The following SULF1 variants were observed in gnomAD, a reference collection of about 807,000 sequenced individuals.
The protein encoded by SULF1 is sulfatase 1.
A neutral mutation model predicts 110.5 loss-of-function variants in SULF1; 46 were observed. The ratio of observed to expected loss-of-function variants is 0.42; its 90% CI spans 0.33 to 0.53. The LOEUF (loss-of-function observed/expected upper bound fraction) is 0.53, where lower values mean the gene tolerates loss of function less well. Among genes scored for constraint, SULF1 ranks in the 20% least tolerant of loss-of-function variants. The probability of loss-of-function intolerance (pLI) is 0.12; values close to 1 mark genes in which losing one functional copy is unlikely to be tolerated. For synonymous variants in SULF1, 371 were observed against 387.1 expected (o/e 0.96, Z 0.49); for missense variants, 941 against 1,094.2 (o/e 0.86, Z 1.98).
rs1366048556 is a variant in SULF1 at position 69,644,211 on chromosome 8, G to A, written c.2585+3370G>A. On this transcript the variant is annotated intron_variant, in intron 22 of 22. Transcript: ENST00000402687. ...CTGTGGGTGACACAGCCGTGTGTTCGTGCTGTACGGCACTGTGGTCATGGG... is the reference window on the plus strand; with the variant it reads ...CTGTGGGTGACACAGCCGTGTGTTCATGCTGTACGGCACTGTGGTCATGGG... Among the ~76,000 whole-genome samples, 12 of 152,290 alleles carry A rather than the reference G, an allele frequency of 7.9e-5. No individual in the cohort carries two copies. The South Asian group carries it at 1.7e-3, about 21-fold the overall frequency.
chr8:69,610,952 C>T (rs1808604781), intron 13 of SULF1, among the ~76,000 whole-genome samples: 1 of 152,118 alleles, frequency 6.6e-6, no homozygotes, highest in African/African-American at 2.4e-5. Flanking sequence ...CACTTTCTCA[C>T]TTGCATGGAT....
intron 3 of SULF1, among the ~76,000 whole-genome samples, chr8:69,512,502 T>C (rs1811636917): frequency 6.6e-6 from 1 of 152,206 alleles, no homozygotes; most frequent in African/African-American, 2.4e-5. Flanking sequence ...CTTACCAGCT[T>C]GTGAATCTGG....
At chr8:69,511,069 C>T (rs1388321317) in intron 3 of SULF1, among the ~76,000 whole-genome samples, 1 of 151,958 alleles carries the variant, frequency 6.6e-6, no homozygotes, top group Non-Finnish European at 1.5e-5. Flanking sequence ...TAGACAGGAG[C>T]AGGACCTATG....
At chr8:69,610,289 T>C (rs1177134606) in intron 13 of SULF1, among the ~76,000 whole-genome samples, 1 of 152,196 alleles carries the variant, frequency 6.6e-6, no homozygotes. Flanking sequence ...GGATCTTTGT[T>C]CCTATACAAA....
At chr8:69,628,877 C>T (rs1234035299) in intron 18 of SULF1, among the ~76,000 whole-genome samples, 1 of 152,114 alleles carries the variant, frequency 6.6e-6, no homozygotes, top group East Asian at 1.9e-4. Flanking sequence ...AAAAATGAGC[C>T]ATTTGTCCAA....
Position 69,563,890 on chromosome 8 carries a change from G to A in SULF1, c.-60-26G>A, listed in dbSNP as rs963333502. 3.4e-5 allele frequency: 47 copies of A among 1,396,080 alleles called. 1 individual carries two copies. The Middle Eastern group carries it at 9.9e-4, about 29-fold the overall frequency. 86.5% of individuals were successfully genotyped at this position (1,396,080 alleles called of 1,614,324 possible). On this transcript the variant is annotated intron_variant, in intron 4 of 22. Transcript: ENST00000402687. ...GTTTGGATTTCATTTTAGTCTCACC[G>A]TCTCCGTTTTTCTCTGACTGCCCAG...
intron 22 of SULF1, among the ~76,000 whole-genome samples, chr8:69,658,048 G>A (rs1002334406): frequency 1.3e-5 from 2 of 152,180 alleles, no homozygotes; most frequent in African/African-American, 4.8e-5. Flanking sequence ...ATCATACTAA[G>A]CATTGCCTAT....
intron 22 of SULF1, among the ~76,000 whole-genome samples, chr8:69,644,011 G>A (rs922404500): frequency 6.6e-6 from 1 of 152,220 alleles, no homozygotes; most frequent in East Asian, 1.9e-4. Flanking sequence ...GTGTGGGGCA[G>A]GCGGTCAGTT....
chr8:69,616,677 C>T (rs1354886822), intron 13 of SULF1, among the ~76,000 whole-genome samples: 1 of 150,050 alleles, frequency 6.7e-6, no homozygotes, highest in Non-Finnish European at 1.5e-5. Flanking sequence ...GCTGAAATTA[C>T]AGGCTTGAGC....
At chr8:69,519,880 G>A (rs188731510) in intron 3 of SULF1, among the ~76,000 whole-genome samples, 56 of 152,224 alleles carry the variant, frequency 3.7e-4, no homozygotes, top group African/African-American at 1.3e-3. Flanking sequence ...ATTACAGTCA[G>A]ACTGCTGTAA....
chr8:69,471,898 A>G (rs942282984), intron 1 of SULF1, among the ~76,000 whole-genome samples: 1 of 152,216 alleles, frequency 6.6e-6, no homozygotes, highest in Non-Finnish European at 1.5e-5. Context: ...TATGTCAGTC[A>G]TTAATCCTAT....
At position 69,644,244 on chromosome 8, in the gene SULF1, G is replaced by A. The variant is rs148818183; in HGVS notation, c.2585+3403G>A. On this transcript the variant is annotated intron_variant, in intron 22 of 22. Coordinates refer to ENST00000402687, the MANE Select transcript of SULF1 (RefSeq NM_001128205.2). ...CGGCACTGTGGTCATGGGGGTGGAC[G>A]CTGGAGCTCCTGATTAGTTTGAGTT... is the stretch of plus-strand genomic sequence containing the variant. 1.9e-4 allele frequency among the ~76,000 whole-genome samples: 29 copies of A among 152,310 alleles called. No homozygotes were observed. The East Asian group carries it at 5.4e-3, about 28-fold the overall frequency.
Position 69,604,784 on chromosome 8 carries a change from T to G in SULF1, c.1248-19T>G. The G allele has an allele frequency of 6.2e-7, 1 of 1,613,190 alleles. No individual in the cohort carries two copies. Among genetic ancestry groups the G allele is most frequent in the Non-Finnish European group, 8.5e-7 (1 of 1,179,830 alleles). ...TCAGATCACTTCTCATGTACGAAGC[T>G]TTTCCCTTTTTGTCGAAGCAAATTT... On this transcript the variant is annotated intron_variant, in intron 12 of 22. Coordinates refer to ENST00000402687, the MANE Select transcript of SULF1 (RefSeq NM_001128205.2).
intron 3 of SULF1, among the ~76,000 whole-genome samples, chr8:69,529,908 A>C (rs113038471): frequency 1.3e-5 from 2 of 152,194 alleles, no homozygotes; most frequent in Non-Finnish European, 2.9e-5. Context: ...AGCCATATTC[A>C]GTGTGGGAGG....
intron 6 of SULF1, among the ~76,000 whole-genome samples, chr8:69,582,791 G>A (rs1224533669): frequency 6.6e-6 from 1 of 152,114 alleles, no homozygotes. Flanking sequence ...CAAGCTTTTT[G>A]GAAACAATCG....
chr8:69,621,841 T>TTA (rs1329092138), intron 14 of SULF1, among the ~76,000 whole-genome samples: 1 of 152,194 alleles, frequency 6.6e-6, no homozygotes, highest in Non-Finnish European at 1.5e-5. Flanking sequence ...AAACCTACGA[T>TTA]TATATAAATG....
At chr8:69,521,143 A>G (rs1166056766) in intron 3 of SULF1, among the ~76,000 whole-genome samples, 2 of 152,174 alleles carry the variant, frequency 1.3e-5, no homozygotes, top group Non-Finnish European at 2.9e-5. Flanking sequence ...TTTCAAGTAA[A>G]TAGCTCAGAA....
intron 3 of SULF1, among the ~76,000 whole-genome samples, chr8:69,526,823 AAGGAAGGAAGGAAGGAAGGG>A (rs1405615926): frequency 6.1e-4 from 89 of 146,088 alleles, no homozygotes; most frequent in African/African-American, 2.1e-3. Flanking sequence ...GGAAGGAAGG[AAGGAAGGAAGGAAGGAAGGG>A]AGGAAGGAAG....
At chr8:69,502,248 A>G (rs1343750224) in intron 3 of SULF1, among the ~76,000 whole-genome samples, 2 of 152,190 alleles carry the variant, frequency 1.3e-5, no homozygotes, top group African/African-American at 2.4e-5. Context: ...GACTATTGAC[A>G]TATTATGAGC....
Sources: gnomAD v4.1 joint callset for allele counts (sites outside exome capture counted in the v4.1 genomes callset) on GRCh38, gnomAD v4.1.1 for gene constraint, MANE v1.5 for transcripts, NCBI Gene and HGNC (gene_info 2026-07-23, HGNC 2026-07-21) for gene names.